SMIM35: variants seen among roughly 807,000 people sequenced by gnomAD.
SMIM35 encodes TMPRSS4 antisense RNA 1 (non-protein coding).
chr11:118,052,021 T>A (rs1477832601), intron 1 of SMIM35, among the ~76,000 whole-genome samples: 1 of 152,148 alleles, frequency 6.6e-6, no homozygotes, highest in African/African-American at 2.4e-5. Flanking sequence ...ATGGCGCTGA[T>A]GACATGAGAG....
rs532837807 is a variant in SMIM35 at position 118,070,778 on chromosome 11, C to T, written c.7+15973G>A. Among the ~76,000 whole-genome samples the T allele has an allele frequency of 2.7e-3, 416 of 152,260 alleles. 1 individual carries two copies. The highest frequency in any genetic ancestry group is 4.7e-3 in the Non-Finnish European group (320 of 68,006). On this transcript the variant is annotated intron_variant, in intron 1 of 4. Transcript: ENST00000689828. The stretch of plus-strand genomic sequence containing the variant: ...ACACGGACAATATGGAAACCGGAAC[C>T]GAGGCAAACCCAGGCAGGACTCTGG...
intron 1 of SMIM35, among the ~76,000 whole-genome samples, chr11:118,027,029 T>TG (rs1398534601): frequency 1.4e-5 from 2 of 142,170 alleles, no homozygotes; most frequent in African/African-American, 5.3e-5. Flanking sequence ...TTTTTTTTTT[T>TG]TTTTTTTTTG....
intron 1 of SMIM35, among the ~76,000 whole-genome samples, chr11:118,052,385 A>G (rs1591300026): frequency 6.6e-6 from 1 of 152,176 alleles, no homozygotes; most frequent in East Asian, 1.9e-4. Context: ...CCTGCAGGGA[A>G]GCAGGGAGAT....
chr11:118,048,272 C>T (rs933993575), intron 1 of SMIM35, among the ~76,000 whole-genome samples: 13 of 152,208 alleles, frequency 8.5e-5, no homozygotes, highest in African/African-American at 2.2e-4. Flanking sequence ...GTTGTAATCC[C>T]GCTGAGGCGG....
At chr11:118,075,765 G>T (rs1437230565) in intron 1 of SMIM35, among the ~76,000 whole-genome samples, 1 of 152,194 alleles carries the variant, frequency 6.6e-6, no homozygotes, top group African/African-American at 2.4e-5. Flanking sequence ...GGATTCATAT[G>T]GAACCAGACA....
At chr11:118,077,317 G>T (rs1565402372) in intron 1 of SMIM35, 1 of 1,598,002 alleles carries the variant, frequency 6.3e-7, no homozygotes, top group Admixed American at 1.7e-5. Context: ...TGAGTGTGGG[G>T]CCCTCTGCTC....
At chr11:118,042,600 C>A in intron 1 of SMIM35, among the ~76,000 whole-genome samples, 1 of 152,184 alleles carries the variant, frequency 6.6e-6, no homozygotes, top group Admixed American at 6.5e-5. Context: ...CTTCCCAACT[C>A]ATTTTATAAG....
intron 1 of SMIM35, among the ~76,000 whole-genome samples, chr11:118,017,749 G>A (rs1042563098): frequency 6.6e-6 from 1 of 152,182 alleles, no homozygotes; most frequent in African/African-American, 2.4e-5. Flanking sequence ...AGTTCAGCAT[G>A]GCTGGGGAGG....
At chr11:118,025,610 A>G (rs913834446) in intron 1 of SMIM35, 7 of 451,650 alleles carry the variant, frequency 1.5e-5, no homozygotes, top group African/African-American at 1.2e-4. Context: ...GTGTCTGTTC[A>G]TGTCCTTTGC....
chr11:118,069,700 C>T (rs890703507), intron 1 of SMIM35, among the ~76,000 whole-genome samples: 13 of 152,258 alleles, frequency 8.5e-5, no homozygotes, highest in African/African-American at 3.1e-4. Context: ...GGGTATTAGG[C>T]CACGAGGGCA....
intron 4 of SMIM35, among the ~76,000 whole-genome samples, chr11:118,011,249 G>A (rs2058149108): frequency 1.3e-5 from 2 of 152,172 alleles, no homozygotes; most frequent in African/African-American, 4.8e-5. Flanking sequence ...CCACAGACCT[G>A]GGGCCAGGGC....
At chr11:118,038,440 TA>T (rs995830595) in intron 1 of SMIM35, among the ~76,000 whole-genome samples, 2 of 152,266 alleles carry the variant, frequency 1.3e-5, no homozygotes, top group African/African-American at 4.8e-5. Flanking sequence ...TTTTTATATT[TA>T]AAATGTTACT....
chr11:118,033,259 C>G (rs540942658), intron 1 of SMIM35, among the ~76,000 whole-genome samples: 1 of 152,260 alleles, frequency 6.6e-6, no homozygotes, highest in African/African-American at 2.4e-5. Context: ...ACAGTTTTGT[C>G]AGGACCATGT....
At chr11:118,074,662 C>T (rs1460644171) in intron 1 of SMIM35, among the ~76,000 whole-genome samples, 2 of 151,804 alleles carry the variant, frequency 1.3e-5, no homozygotes, top group Non-Finnish European at 1.5e-5. Context: ...CGGGGGAATC[C>T]CTTGAGCTCA....
chr11:118,007,417 G>A (rs1325276149), intron 4 of SMIM35, among the ~76,000 whole-genome samples: 2 of 151,222 alleles, frequency 1.3e-5, no homozygotes, highest in Non-Finnish European at 3.0e-5. Flanking sequence ...TTTTTTTTGA[G>A]ACTGAGACTC....
rs1419518253 is a variant in SMIM35 at position 118,005,512 on chromosome 11, A to G, written c.*898T>C. On this transcript the variant is annotated 3_prime_UTR_variant, in exon 5 of 5. Transcript: ENST00000689828. ...TCCGTCCAGCATACATCTCAAAATT[A>G]TAGTGTCTACAACAGAGCTCATGAT... 2 of 152,094 alleles carry G rather than the reference A, an allele frequency of 1.3e-5. No homozygotes were observed. Among genetic ancestry groups the G allele is most frequent in the African/African-American group, 2.4e-5 (1 of 41,368 alleles). 9.4% of individuals were successfully genotyped at this position (152,094 alleles called of 1,614,324 possible). A position where few individuals can be genotyped will look rare whatever the true frequency, so the allele number is the denominator to read the frequency against.
At chr11:118,049,460 T>G (rs1362809268) in intron 1 of SMIM35, among the ~76,000 whole-genome samples, 1 of 148,344 alleles carries the variant, frequency 6.7e-6, no homozygotes, top group Non-Finnish European at 1.5e-5. Context: ...GCAATTCTCC[T>G]GCCTCAGCCT....
rs146579506 is a variant in SMIM35, at chr11:118,029,759, C to G, written c.8-13950G>C. On this transcript the variant is annotated intron_variant, in intron 1 of 4. Coordinates refer to ENST00000689828, the MANE Select transcript of SMIM35 (RefSeq NM_001394165.1). ...ACACCAGCACCAGACTGCCAAAGCC[C>G]CCTTTCCCAGAGGTCTGAGGTCCTC... The G allele has an allele frequency of 2.2e-3, 991 of 457,344 alleles. 8 individuals are homozygous for G. Among genetic ancestry groups the G allele is most frequent in the African/African-American group, 0.016 (820 of 50,190 alleles). 28.3% of individuals were successfully genotyped at this position (457,344 alleles called of 1,614,324 possible).
chr11:118,017,646 C>T (rs2058193883), intron 1 of SMIM35, among the ~76,000 whole-genome samples: 1 of 152,098 alleles, frequency 6.6e-6, no homozygotes, highest in African/African-American at 2.4e-5. Flanking sequence ...TTGAGAAGAC[C>T]TAAAGGAGGT....
Sources: allele counts gnomAD v4.1 joint callset (sites outside exome capture counted in the v4.1 genomes callset), GRCh38; gene constraint gnomAD v4.1.1; transcripts MANE v1.5; gene names NCBI Gene and HGNC (gene_info 2026-07-23, HGNC 2026-07-21).